Variants in TXNDC16 observed in about 807,000 individuals in gnomAD.
TXNDC16 encodes the protein thioredoxin domain containing 16.
A neutral mutation model predicts 85.6 loss-of-function variants in TXNDC16; 74 were observed. The ratio of observed to expected loss-of-function variants is 0.86; its 90% CI spans 0.72 to 1.05. TXNDC16 has a LOEUF of 1.05. Among genes scored for constraint, TXNDC16 ranks in the 50% least tolerant of loss-of-function variants. TXNDC16 has a pLI of 0.00. For missense variants in TXNDC16, 959 were observed against 947.0 expected (o/e 1.01, Z -0.17); for synonymous variants, 335 against 326.5 (o/e 1.03, Z -0.28).
chr14:52,551,813 T>C (rs1036972277), intron 1 of TXNDC16, among the ~76,000 whole-genome samples: 4 of 152,162 alleles, frequency 2.6e-5, no homozygotes, highest in Non-Finnish European at 5.9e-5. Context: ...AAGGCTTCGA[T>C]ACATGTGGAA....
chr14:52,436,400 G>T (rs1230409129), intron 20 of TXNDC16, among the ~76,000 whole-genome samples: 1 of 152,158 alleles, frequency 6.6e-6, no homozygotes, highest in East Asian at 1.9e-4. Context: ...AGATGAGTGG[G>T]TGCCAAAGGG....
chr14:52,499,837 C>A (rs1041726104), intron 9 of TXNDC16, among the ~76,000 whole-genome samples: 1 of 151,950 alleles, frequency 6.6e-6, no homozygotes, highest in African/African-American at 2.4e-5. Flanking sequence ...TTTGCATATA[C>A]CTACACGCTC....
intron 1 of TXNDC16, among the ~76,000 whole-genome samples, chr14:52,551,089 G>A (rs2038033883): frequency 6.6e-6 from 1 of 152,102 alleles, no homozygotes; most frequent in Admixed American, 6.5e-5. Flanking sequence ...CTAGGTAACA[G>A]TGCTAGGCCT....
At chr14:52,463,869 A>G (rs1200675802) in intron 16 of TXNDC16, among the ~76,000 whole-genome samples, 1 of 152,248 alleles carries the variant, frequency 6.6e-6, no homozygotes, top group East Asian at 1.9e-4. Context: ...TCTTCAATAG[A>G]TGTTGATAGT....
At chr14:52,535,121 A>G (rs2037669965) in intron 6 of TXNDC16, among the ~76,000 whole-genome samples, 1 of 151,958 alleles carries the variant, frequency 6.6e-6, no homozygotes, top group Non-Finnish European at 1.5e-5. Context: ...CTGTTTCTTC[A>G]CCCCCATTTC....
intron 14 of TXNDC16, 79 bp downstream of exon 14, chr14:52,482,151 T>G (rs2036164408): frequency 6.8e-6 from 9 of 1,328,570 alleles, no homozygotes; most frequent in Non-Finnish European, 9.3e-6. Flanking sequence ...TGGTTTTCTA[T>G]ATTTTTTGCA....
chr14:52,484,533 C>T (rs148334307), intron 12 of TXNDC16, among the ~76,000 whole-genome samples: 9 of 152,278 alleles, frequency 5.9e-5, no homozygotes, highest in African/African-American at 2.2e-4. Context: ...TAGCACAACA[C>T]ATTACTCACA....
At chr14:52,475,122 C>G (rs75148415) in intron 14 of TXNDC16, among the ~76,000 whole-genome samples, 19 of 152,166 alleles carry the variant, frequency 1.2e-4, no homozygotes, top group African/African-American at 4.1e-4. Flanking sequence ...GAGAGCTGAG[C>G]GAAAGCGAAA....
chr14:52,461,972 T>G (rs2035662136), intron 16 of TXNDC16, among the ~76,000 whole-genome samples: 1 of 152,244 alleles, frequency 6.6e-6, no homozygotes, highest in Admixed American at 6.5e-5. Context: ...AGCATAAACC[T>G]GTCTGACCAG....
intron 16 of TXNDC16, among the ~76,000 whole-genome samples, chr14:52,468,966 T>C (rs567275185): frequency 1.3e-5 from 2 of 152,174 alleles, no homozygotes; most frequent in South Asian, 2.1e-4. Context: ...AAACTCATTA[T>C]ATGGTCTAAA....
chr14:52,513,248 A>C (rs1353240772), intron 8 of TXNDC16, among the ~76,000 whole-genome samples: 1 of 152,198 alleles, frequency 6.6e-6, no homozygotes, highest in Admixed American at 6.5e-5. Flanking sequence ...TAAAGCCAGA[A>C]ACTAGAATAG....
At chr14:52,450,794 C>T (rs1462578359) in intron 18 of TXNDC16, among the ~76,000 whole-genome samples, 1 of 150,944 alleles carries the variant, frequency 6.6e-6, no homozygotes, top group Non-Finnish European at 1.5e-5. Flanking sequence ...TTTGCAATTG[C>T]AAAAATACAG....
At chr14:52,524,892 G>A (rs139112480) in intron 6 of TXNDC16, among the ~76,000 whole-genome samples, 2,042 of 151,978 alleles carry the variant, frequency 0.013, 45 homozygotes, top group African/African-American at 0.046. Context: ...AGGCTGAGGC[G>A]GGAGGATCAC....
intron 3 of TXNDC16, 138 bp from the exon 4 acceptor site, chr14:52,542,591 T>A (rs2037855643): frequency 5.6e-6 from 3 of 535,836 alleles, no homozygotes; most frequent in Non-Finnish European, 1.0e-5. Context: ...TTACATATTT[T>A]CACACCCTTA....
chr14:52,496,015 C>A (rs532909311), intron 9 of TXNDC16, among the ~76,000 whole-genome samples: 3 of 151,818 alleles, frequency 2.0e-5, no homozygotes, highest in African/African-American at 4.8e-5. Context: ...AAAAAATTAG[C>A]CGGGTGTGGT....
chr14:52,521,687 T>C (rs1485367515), intron 6 of TXNDC16, among the ~76,000 whole-genome samples: 2 of 152,244 alleles, frequency 1.3e-5, no homozygotes, highest in Admixed American at 1.3e-4. Context: ...TCTTCCACTT[T>C]TTAAAAGAAA....
chr14:52,532,646 C>T (rs1384626771), intron 6 of TXNDC16, among the ~76,000 whole-genome samples: 1 of 152,062 alleles, frequency 6.6e-6, no homozygotes. Context: ...CCGTGTTAGC[C>T]AGGATGGTCT....
chr14:52,455,348 T>C lies in TXNDC16; in HGVS notation c.1818A>G (p.Ile606Met). Residue 606 changes from isoleucine to methionine, a missense_variant, in exon 18 of 21, where the codon ATA becomes ATG. Physicochemically the swap from Ile to Met is conservative, Grantham distance 10 (BLOSUM62 1). Transcript: ENST00000281741. ...STHAQDIVQI[I>M]TDALLEMFPE... is the part of the protein sequence containing the mutation. ...CAAACATTTCCAGTAGTGCATCTGT[T>C]ATTATTTGAACTATGTCTTGTGCAT... The C allele has an allele frequency of 6.2e-7, 1 of 1,613,856 alleles. No homozygotes were observed. The highest frequency in any genetic ancestry group is 1.1e-5 in the South Asian group (1 of 91,012).
At chr14:52,549,996 A>G (rs2038013699) in intron 1 of TXNDC16, among the ~76,000 whole-genome samples, 2 of 152,312 alleles carry the variant, frequency 1.3e-5, no homozygotes, top group South Asian at 4.1e-4. Context: ...CTGTCCTCTC[A>G]GAACAACAAT....
Sources: gnomAD v4.1 joint callset for allele counts (sites outside exome capture counted in the v4.1 genomes callset) on GRCh38, gnomAD v4.1.1 for gene constraint, MANE v1.5 for transcripts, NCBI Gene and HGNC (gene_info 2026-07-23, HGNC 2026-07-21) for gene names.